The following SHOC2 variants were observed in gnomAD, a reference collection of about 807,000 sequenced individuals.
The protein encoded by SHOC2 is leucine-rich repeat protein SHOC-2.
A neutral mutation model predicts 50.2 loss-of-function variants in SHOC2; 4 were observed. The ratio of observed to expected loss-of-function variants is 0.08; its 90% confidence interval spans 0.04 to 0.18. SHOC2 has a LOEUF of 0.18. Ranked by LOEUF, SHOC2 falls within the 10% of genes least tolerant of loss-of-function variation. The probability of loss-of-function intolerance (pLI) is 1.00; values close to 1 mark genes in which losing one functional copy is unlikely to be tolerated. For missense variants in SHOC2, 388 were observed against 669.6 expected (o/e 0.58, Z 4.64); for synonymous variants, 218 against 244.5 (o/e 0.89, Z 1.01).
chr10:110,933,822 A>G (rs111583593), intron 1 of SHOC2, among the ~76,000 whole-genome samples: 275 of 152,320 alleles, frequency 1.8e-3, no homozygotes, highest in African/African-American at 6.5e-3. Context: ...TCTAAAAAAC[A>G]AACAAAAGAA....
intron 1 of SHOC2, among the ~76,000 whole-genome samples, chr10:110,955,253 A>G (rs539968289): frequency 1.3e-5 from 2 of 152,184 alleles, no homozygotes; most frequent in Non-Finnish European, 2.9e-5. Flanking sequence ...GGTGAAGGCA[A>G]TGAATGTGGA....
chr10:110,943,013 A>T (rs1847178712), intron 1 of SHOC2, among the ~76,000 whole-genome samples: 1 of 152,170 alleles, frequency 6.6e-6, no homozygotes, highest in African/African-American at 2.4e-5. Context: ...TCTAAGATGA[A>T]GAATTCTTTC....
intron 2 of SHOC2, among the ~76,000 whole-genome samples, chr10:110,983,079 G>A (rs1248726234): frequency 6.6e-6 from 1 of 151,974 alleles, no homozygotes; most frequent in Non-Finnish European, 1.5e-5. Flanking sequence ...AAATAATTAG[G>A]TTATATCTTA....
chr10:110,969,325 C>T (rs1484413077), intron 2 of SHOC2, among the ~76,000 whole-genome samples: 1 of 152,132 alleles, frequency 6.6e-6, no homozygotes, highest in Non-Finnish European at 1.5e-5. Flanking sequence ...CCCATGTTTT[C>T]AGAGGGAAAA....
chr10:110,986,847 A>G (rs1848088502), intron 3 of SHOC2, among the ~76,000 whole-genome samples: 1 of 152,180 alleles, frequency 6.6e-6, no homozygotes, highest in African/African-American at 2.4e-5. Context: ...TTTCTCCAGA[A>G]GAGTTTTTGT....
intron 1 of SHOC2, among the ~76,000 whole-genome samples, chr10:110,949,087 G>C (rs1362395365): frequency 6.6e-6 from 1 of 151,958 alleles, no homozygotes; most frequent in Non-Finnish European, 1.5e-5. Flanking sequence ...GTTGTTAGAA[G>C]GAAAGGAATA....
chr10:110,998,365 T>G (rs12571756), intron 3 of SHOC2, among the ~76,000 whole-genome samples: 15,162 of 152,122 alleles, frequency 0.1, 1,171 homozygotes, highest in East Asian at 0.24. Flanking sequence ...TCTGGGGCTT[T>G]GGAAAGTCAC....
At chr10:110,940,823 GA>G (rs1216540220) in intron 1 of SHOC2, among the ~76,000 whole-genome samples, 2 of 150,032 alleles carry the variant, frequency 1.3e-5, no homozygotes, top group East Asian at 4.0e-4. Context: ...TGGATATGTT[GA>G]AAAATGATTC....
intron 1 of SHOC2, among the ~76,000 whole-genome samples, chr10:110,934,523 A>G (rs1458063299): frequency 6.6e-6 from 1 of 152,218 alleles, no homozygotes; most frequent in Non-Finnish European, 1.5e-5. Context: ...ACAACATTGC[A>G]TAGTACCATA....
chr10:110,919,890 G>C (rs1846581367), intron 1 of SHOC2: 1 of 343,206 alleles, frequency 2.9e-6, no homozygotes, highest in African/African-American at 2.2e-5. Context: ...GAGCCGGCTC[G>C]CGTGGGAGCC....
chr10:110,978,609 G>A (rs929996476), intron 2 of SHOC2, among the ~76,000 whole-genome samples: 2 of 152,176 alleles, frequency 1.3e-5, no homozygotes, highest in Non-Finnish European at 2.9e-5. Context: ...GGCAACTGTT[G>A]AAATCTCTGC....
At chr10:110,954,744 G>A (rs892980535) in intron 1 of SHOC2, among the ~76,000 whole-genome samples, 21 of 152,248 alleles carry the variant, frequency 1.4e-4, no homozygotes, top group African/African-American at 5.1e-4. Context: ...GGTCAGAGAA[G>A]GCTTTATTTA....
chr10:110,967,701 C>A (rs1413858880), intron 2 of SHOC2, among the ~76,000 whole-genome samples: 1 of 152,086 alleles, frequency 6.6e-6, no homozygotes, highest in Non-Finnish European at 1.5e-5. Flanking sequence ...CTGGATGTTT[C>A]CTATAAATAG....
chr10:110,946,128 A>G (rs557183403), intron 1 of SHOC2, among the ~76,000 whole-genome samples: 144 of 152,082 alleles, frequency 9.5e-4, no homozygotes, highest in African/African-American at 3.4e-3. Context: ...TAGTATAATC[A>G]TGATATCACT....
Position 111,011,840 on chromosome 10 carries a change from CA to C in SHOC2, c.*23del. The C allele has an allele frequency of 2.5e-6, 4 of 1,576,204 alleles. No individual in the cohort carries two copies. The highest frequency in any genetic ancestry group is 3.5e-6 in the Non-Finnish European group (4 of 1,145,602). ...CTGATATAAATCTGCTGGTCCCACA[CA>C]CTGTTCAAAAATAGACTGCCATTAA... On this transcript the variant is annotated 3_prime_UTR_variant, in exon 9 of 9. Transcript: ENST00000369452.
chr10:110,932,222 T>C (rs1195928654), intron 1 of SHOC2, among the ~76,000 whole-genome samples: 1 of 152,148 alleles, frequency 6.6e-6, no homozygotes, highest in East Asian at 1.9e-4. Flanking sequence ...ATGGGAAGTA[T>C]TAGAGTTGTG....
At chr10:110,929,040 A>G (rs1326651939) in intron 1 of SHOC2, among the ~76,000 whole-genome samples, 1 of 152,258 alleles carries the variant, frequency 6.6e-6, no homozygotes, top group Non-Finnish European at 1.5e-5. Flanking sequence ...TATAAATACC[A>G]TAATATAACA....
chr10:110,983,299 T>C (rs1848017784), intron 2 of SHOC2, among the ~76,000 whole-genome samples: 1 of 152,116 alleles, frequency 6.6e-6, no homozygotes, highest in South Asian at 2.1e-4. Flanking sequence ...TACATTATTC[T>C]CTTCCTTTTT....
At chr10:110,942,344 T>A (rs1847164084) in intron 1 of SHOC2, among the ~76,000 whole-genome samples, 2 of 152,088 alleles carry the variant, frequency 1.3e-5, no homozygotes, top group Non-Finnish European at 2.9e-5. Flanking sequence ...TATTCTGTTA[T>A]TTTGTTTTTG....
Sources: gnomAD v4.1 joint callset for allele counts (sites outside exome capture counted in the v4.1 genomes callset) on GRCh38, gnomAD v4.1.1 for gene constraint, MANE v1.5 for transcripts, NCBI Gene and HGNC (gene_info 2026-07-23, HGNC 2026-07-21) for gene names.